GPC6: variants seen among roughly 807,000 people sequenced by gnomAD.
GPC6 encodes glypican 6.
A neutral mutation model predicts 55.2 loss-of-function variants in GPC6; 14 were observed. The observed-to-expected ratio is 0.25, with a 90% CI of 0.17 to 0.40. The LOEUF (loss-of-function observed/expected upper bound fraction) is 0.40. Ranked by LOEUF, GPC6 falls within the 10% of genes least tolerant of loss-of-function variation. The pLI, the probability that GPC6 is intolerant of heterozygous loss-of-function variation, is 1.00. For missense variants in GPC6, 641 were observed against 708.5 expected, an observed-to-expected ratio of 0.90 and a Z score of 1.08; for synonymous variants, 278 against 259.6, an observed-to-expected ratio of 1.07 and a Z score of -0.68.
chr13:93,638,993 A>G (rs563692584), intron 2 of GPC6, among the ~76,000 whole-genome samples: 21 of 152,262 alleles, frequency 1.4e-4, no homozygotes, highest in Non-Finnish European at 2.8e-4. Flanking sequence ...TCTAGATGCT[A>G]AGGATTATAG....
chr13:93,697,803 A>G (rs992894690), intron 2 of GPC6, among the ~76,000 whole-genome samples: 8 of 152,312 alleles, frequency 5.3e-5, no homozygotes, highest in African/African-American at 1.9e-4. Flanking sequence ...GCCATTCAAA[A>G]GAGAATGTTC....
At chr13:93,323,657 T>C (rs1879537862) in intron 1 of GPC6, among the ~76,000 whole-genome samples, 1 of 152,134 alleles carries the variant, frequency 6.6e-6, no homozygotes, top group South Asian at 2.1e-4. Context: ...TGAAGTACCA[T>C]GATAAATATT....
intron 1 of GPC6, among the ~76,000 whole-genome samples, chr13:93,259,002 A>C (rs1392267149): frequency 6.6e-6 from 1 of 152,162 alleles, no homozygotes; most frequent in Non-Finnish European, 1.5e-5. Context: ...TAACTTCTGA[A>C]GCTGGAAAAT....
chr13:93,754,713 A>C (rs1459811246), intron 2 of GPC6, among the ~76,000 whole-genome samples: 2 of 152,068 alleles, frequency 1.3e-5, no homozygotes, highest in Non-Finnish European at 2.9e-5. Flanking sequence ...AAAAAAAAAA[A>C]ACTAAAATCG....
chr13:94,322,952 CAT>C (rs938417664), intron 6 of GPC6, among the ~76,000 whole-genome samples: 9 of 152,218 alleles, frequency 5.9e-5, no homozygotes, highest in African/African-American at 1.9e-4. Context: ...GTCTGGCACA[CAT>C]GTGTATTTTG....
chr13:93,628,780 A>G (rs1879312288), intron 2 of GPC6, among the ~76,000 whole-genome samples: 1 of 152,236 alleles, frequency 6.6e-6, no homozygotes, highest in Non-Finnish European at 1.5e-5. Context: ...TTTTAAATAT[A>G]TCATTTAAAT....
chr13:93,546,453 C>T lies in GPC6; in HGVS notation c.319+1032C>T, dbSNP rs181938005. Among the ~76,000 whole-genome samples the T allele has an allele frequency of 2.1e-3, 319 of 152,294 alleles. 1 individual carries two copies. The highest frequency in any genetic ancestry group is 3.4e-3 in the Middle Eastern group (1 of 294). The stretch of plus-strand genomic sequence containing the variant: ...AATTGGTTCTCAAAGTTACGGAAGA[C>T]AGGTCTACCTGGTATTTTCAGTACA... On this transcript the variant is annotated intron_variant, in intron 2 of 8. Coordinates refer to ENST00000377047, the MANE Select transcript of GPC6 (RefSeq NM_005708.5).
At chr13:93,684,395 C>G (rs573001173) in intron 2 of GPC6, among the ~76,000 whole-genome samples, 1 of 152,130 alleles carries the variant, frequency 6.6e-6, no homozygotes, top group Admixed American at 6.5e-5. Flanking sequence ...ATCATGTTGG[C>G]CAGGCTGGCC....
chr13:93,516,400 G>T lies in GPC6; in HGVS notation c.161-28863G>T, dbSNP rs534152951. ...TTGGGGTTAGAACATTCTGGAATAT[G>T]CAGGGAAGAATGCCCAGAATTGTGG... On this transcript the variant is annotated intron_variant, in intron 1 of 8. Coordinates refer to ENST00000377047, the MANE Select transcript of GPC6 (RefSeq NM_005708.5). 2.6e-5 allele frequency among the ~76,000 whole-genome samples: 4 copies of T among 152,202 alleles called. No homozygotes were observed. In the South Asian group the frequency reaches 8.3e-4, roughly 32 times the overall value.
At chr13:93,483,844 T>C (rs1879605609) in intron 1 of GPC6, among the ~76,000 whole-genome samples, 1 of 152,132 alleles carries the variant, frequency 6.6e-6, no homozygotes, top group African/African-American at 2.4e-5. Context: ...TTAGATCACA[T>C]TTCTCCCTAA....
intron 2 of GPC6, among the ~76,000 whole-genome samples, chr13:93,603,956 G>A (rs1277212836): frequency 6.6e-6 from 1 of 152,108 alleles, no homozygotes; most frequent in African/African-American, 2.4e-5. Context: ...AAAAAATCTG[G>A]AATAGAAAAA....
intron 6 of GPC6, among the ~76,000 whole-genome samples, chr13:94,316,512 T>C (rs1367187292): frequency 2.0e-5 from 3 of 151,766 alleles, no homozygotes; most frequent in Non-Finnish European, 4.4e-5. Flanking sequence ...GGTCAGGAGA[T>C]CGAGACCATC....
intron 4 of GPC6, among the ~76,000 whole-genome samples, chr13:94,030,334 C>A (rs1883078600): frequency 6.6e-6 from 1 of 152,102 alleles, no homozygotes; most frequent in Non-Finnish European, 1.5e-5. Context: ...TTAATTAGTC[C>A]TAGATGTCTT....
chr13:93,925,892 G>A (rs1471544329), intron 3 of GPC6, among the ~76,000 whole-genome samples: 5 of 152,172 alleles, frequency 3.3e-5, no homozygotes, highest in Non-Finnish European at 7.3e-5. Flanking sequence ...GGGCGAGATG[G>A]CTCCTTACTC....
chr13:93,383,313 G>C (rs1272928957), intron 1 of GPC6, among the ~76,000 whole-genome samples: 1 of 152,154 alleles, frequency 6.6e-6, no homozygotes, highest in Non-Finnish European at 1.5e-5. Flanking sequence ...CCAGGCTCAT[G>C]GGATCCTTTC....
chr13:93,472,396 G>GA (rs1159443220), intron 1 of GPC6, among the ~76,000 whole-genome samples: 1 of 152,192 alleles, frequency 6.6e-6, no homozygotes. Context: ...GTGGAGTGGT[G>GA]AGGGGTGTGT....
rs550290886 is a variant in GPC6, at chr13:93,493,529, C to T, written c.161-51734C>T. 2.5e-5 allele frequency among the ~76,000 whole-genome samples: 3 copies of T among 120,180 alleles called. 1 individual carries two copies. The Admixed American group carries it at 2.6e-4, about 10-fold the overall frequency. 78.8% of individuals were successfully genotyped at this position (120,180 alleles called of 152,430 possible). On this transcript the variant is annotated intron_variant, in intron 1 of 8. Coordinates refer to ENST00000377047, the MANE Select transcript of GPC6 (RefSeq NM_005708.5). ...TTTTGTGTCTCTATTTCCTTCAGTT[C>T]TGCTCTGATCTTGGTTATTTCTTGC...
chr13:94,361,586 A>T (rs1879062661), intron 6 of GPC6, among the ~76,000 whole-genome samples: 1 of 152,254 alleles, frequency 6.6e-6, no homozygotes, highest in South Asian at 2.1e-4. Context: ...TTCAATGCCC[A>T]CTTTCGGAAA....
At position 94,191,656 on chromosome 13, in the gene GPC6, A is replaced by G. The variant is rs149342925; in HGVS notation, c.878-94693A>G. On this transcript the variant is annotated intron_variant, in intron 4 of 8. Coordinates refer to ENST00000377047, the MANE Select transcript of GPC6 (RefSeq NM_005708.5). ...GAGGCAAGTTTGAAGGAAGTAAAAAAAAAAATTGAGACTTATCTTTCCATT... is the reference window on the plus strand; with the variant it reads ...GAGGCAAGTTTGAAGGAAGTAAAAAGAAAAATTGAGACTTATCTTTCCATT... Among the ~76,000 whole-genome samples the G allele has an allele frequency of 7.5e-3, 1,138 of 152,294 alleles. 5 individuals carry two copies. The highest frequency in any genetic ancestry group is 0.012 in the Non-Finnish European group (837 of 68,012).
Sources: gnomAD v4.1 joint callset for allele counts (sites outside exome capture counted in the v4.1 genomes callset) on GRCh38, gnomAD v4.1.1 for gene constraint, MANE v1.5 for transcripts, NCBI Gene and HGNC (gene_info 2026-07-23, HGNC 2026-07-21) for gene names.